Variants in PTPRD observed in about 807,000 individuals in gnomAD.
PTPRD encodes receptor-type tyrosine-protein phosphatase delta.
In PTPRD, 34 loss-of-function variants were observed where a neutral mutation model predicts 214.5. That is an observed-to-expected ratio of 0.16 (90% CI 0.12 to 0.21). The LOEUF is 0.21. PTPRD is among the 10% of genes least tolerant of loss of function. The pLI, the probability that PTPRD is intolerant of heterozygous loss-of-function variation, is 1.00. For missense variants in PTPRD, 2,545 were observed against 2,398.7 expected (o/e 1.06, Z -1.27); for synonymous variants, 1,128 against 845.7 (o/e 1.33, Z -5.79).
intron 11 of PTPRD, among the ~76,000 whole-genome samples, chr9:8,922,263 C>T: frequency 6.6e-6 from 1 of 151,946 alleles, no homozygotes; most frequent in East Asian, 1.9e-4. Context: ...AATGGGTGGA[C>T]CCAACTGATA....
intron 3 of PTPRD, among the ~76,000 whole-genome samples, chr9:10,316,626 G>A (rs1164407188): frequency 6.6e-6 from 1 of 151,912 alleles, no homozygotes; most frequent in Non-Finnish European, 1.5e-5. Context: ...GCTTTATAGT[G>A]AATCAACACA....
At chr9:9,321,391 A>G (rs1188123639) in intron 9 of PTPRD, among the ~76,000 whole-genome samples, 1 of 152,022 alleles carries the variant, frequency 6.6e-6, no homozygotes, top group Non-Finnish European at 1.5e-5. Context: ...CCCCATCTCT[A>G]CCAGAAATGC....
At chr9:9,750,139 C>G (rs1359176) in intron 6 of PTPRD, among the ~76,000 whole-genome samples, 1 of 151,926 alleles carries the variant, frequency 6.6e-6, no homozygotes, top group East Asian at 1.9e-4. Flanking sequence ...TGCCAATATG[C>G]TAAATCCTTT....
At chr9:8,558,779 A>G (rs2084982860) in intron 14 of PTPRD, among the ~76,000 whole-genome samples, 1 of 152,166 alleles carries the variant, frequency 6.6e-6, no homozygotes, top group African/African-American at 2.4e-5. Context: ...CCTTTATGAC[A>G]CCTTATCTTA....
intron 12 of PTPRD, among the ~76,000 whole-genome samples, chr9:8,650,203 C>T (rs1047694894): frequency 5.3e-5 from 8 of 151,952 alleles, no homozygotes; most frequent in Admixed American, 1.3e-4. Context: ...CAGGCATGAG[C>T]CCACACTCAG....
intron 9 of PTPRD, among the ~76,000 whole-genome samples, chr9:9,199,777 G>A (rs376789048): frequency 2.7e-4 from 40 of 150,516 alleles, no homozygotes; most frequent in East Asian, 7.8e-4. Context: ...TTAGAAACAC[G>A]CTAAAGTAAT....
chr9:9,776,663 C>T (rs904320573), intron 5 of PTPRD, among the ~76,000 whole-genome samples: 5 of 152,174 alleles, frequency 3.3e-5, no homozygotes, highest in African/African-American at 7.2e-5. Flanking sequence ...AGTTTAACAA[C>T]CTAATCAGCC....
At chr9:8,787,823 T>A (rs981187757) in intron 11 of PTPRD, among the ~76,000 whole-genome samples, 4 of 152,140 alleles carry the variant, frequency 2.6e-5, no homozygotes, top group Non-Finnish European at 5.9e-5. Flanking sequence ...TCATGCTGCC[T>A]CCACCCCAGT....
intron 2 of PTPRD, among the ~76,000 whole-genome samples, chr9:10,370,923 G>T (rs149025384): frequency 1.3e-3 from 190 of 151,956 alleles, no homozygotes; most frequent in African/African-American, 3.9e-3. Context: ...TTAAACATGT[G>T]ATCTTTGCCT....
intron 7 of PTPRD, among the ~76,000 whole-genome samples, chr9:9,627,970 A>C (rs1481868761): frequency 6.6e-6 from 1 of 151,848 alleles, no homozygotes; most frequent in Non-Finnish European, 1.5e-5. Context: ...GTGGCACATC[A>C]ATGTATTCAA....
At chr9:9,578,268 T>G (rs73641321) in intron 7 of PTPRD, among the ~76,000 whole-genome samples, 9 of 152,000 alleles carry the variant, frequency 5.9e-5, no homozygotes, top group Non-Finnish European at 1.0e-4. Flanking sequence ...ACTACAGAAA[T>G]CTTGAAAAGT....
intron 7 of PTPRD, among the ~76,000 whole-genome samples, chr9:9,615,816 AC>A (rs1239961985): frequency 1.3e-5 from 2 of 152,156 alleles, no homozygotes; most frequent in African/African-American, 4.8e-5. Context: ...AGATGAAGTA[AC>A]TAAGCCTTAA....
chr9:8,438,365 A>T (rs1010938547), intron 34 of PTPRD, among the ~76,000 whole-genome samples: 2 of 152,178 alleles, frequency 1.3e-5, no homozygotes, highest in Non-Finnish European at 2.9e-5. Context: ...AGTCAGCTAA[A>T]ATTTTAGTGG....
chr9:10,140,307 A>G (rs1476243253), intron 3 of PTPRD, among the ~76,000 whole-genome samples: 9 of 149,056 alleles, frequency 6.0e-5, no homozygotes, highest in Non-Finnish European at 1.2e-4. Context: ...GAAGACATAC[A>G]AGCAGAAAAC....
chr9:9,729,701 T>C (rs950553845), intron 7 of PTPRD, among the ~76,000 whole-genome samples: 11 of 152,094 alleles, frequency 7.2e-5, no homozygotes, highest in African/African-American at 2.6e-4. Flanking sequence ...GAAGTTGGGG[T>C]CATGTCATAT....
At chr9:9,651,698 G>C (rs959565879) in intron 7 of PTPRD, among the ~76,000 whole-genome samples, 3 of 151,930 alleles carry the variant, frequency 2.0e-5, no homozygotes, top group Non-Finnish European at 4.4e-5. Flanking sequence ...GTGCTGCAAT[G>C]AACATATGTG....
intron 3 of PTPRD, among the ~76,000 whole-genome samples, chr9:10,168,522 A>G (rs1281377460): frequency 6.6e-6 from 1 of 152,212 alleles, no homozygotes; most frequent in Non-Finnish European, 1.5e-5. Context: ...ATCTCTATAG[A>G]GATCTAACAG....
intron 10 of PTPRD, among the ~76,000 whole-genome samples, chr9:9,112,044 G>A (rs2099806849): frequency 2.0e-5 from 3 of 152,102 alleles, no homozygotes; most frequent in Non-Finnish European, 2.9e-5. Context: ...TCATTTTGCT[G>A]TAACCTCCTC....
chr9:9,051,024 T>C (rs1418355741), intron 10 of PTPRD, among the ~76,000 whole-genome samples: 2 of 152,180 alleles, frequency 1.3e-5, no homozygotes, highest in Non-Finnish European at 2.9e-5. Context: ...TGAGCATTAC[T>C]TTTTAATTTT....
Sources: gnomAD v4.1 joint callset for allele counts (sites outside exome capture counted in the v4.1 genomes callset) on GRCh38, gnomAD v4.1.1 for gene constraint, MANE v1.5 for transcripts, NCBI Gene and HGNC (gene_info 2026-07-23, HGNC 2026-07-21) for gene names.